The following DENND1A variants were observed in gnomAD, a reference collection of about 807,000 sequenced individuals.
DENND1A encodes the protein DENN domain-containing protein 1A.
In DENND1A, 51 loss-of-function variants were observed where a neutral mutation model predicts 113.7. The observed-to-expected ratio is 0.45, with a 90% CI of 0.36 to 0.57. The LOEUF is 0.57. DENND1A is among the 20% of genes least tolerant of loss of function. The pLI, the probability that DENND1A is intolerant of heterozygous loss-of-function variation, is 0.00. For missense variants in DENND1A, 1,258 were observed against 1,395.9 expected (o/e 0.90, Z 1.57); for synonymous variants, 565 against 570.8 (o/e 0.99, Z 0.14).
At chr9:123,925,571 G>T (rs577480074) in intron 1 of DENND1A, among the ~76,000 whole-genome samples, 45 of 152,224 alleles carry the variant, frequency 3.0e-4, no homozygotes, top group African/African-American at 1.0e-3. Context: ...AAGCCTTAAA[G>T]AAAAATATTT....
At chr9:123,552,871 C>T (rs967328874) in intron 13 of DENND1A, among the ~76,000 whole-genome samples, 4 of 152,232 alleles carry the variant, frequency 2.6e-5, no homozygotes, top group African/African-American at 4.8e-5. Flanking sequence ...TCAAGGAATC[C>T]GCCTAAGAAA....
chr9:123,902,117 C>T (rs1165220671), intron 1 of DENND1A, among the ~76,000 whole-genome samples: 2 of 151,746 alleles, frequency 1.3e-5, no homozygotes, highest in Non-Finnish European at 2.9e-5. Context: ...ATTTGTCTTC[C>T]ACCTTCAGTC....
intron 2 of DENND1A, among the ~76,000 whole-genome samples, chr9:123,812,369 A>C (rs1436892661): frequency 6.6e-6 from 1 of 152,148 alleles, no homozygotes; most frequent in Non-Finnish European, 1.5e-5. Context: ...TATATTAATA[A>C]GTCACAATTT....
At chr9:123,723,494 C>T (rs182944546) in intron 5 of DENND1A, among the ~76,000 whole-genome samples, 17 of 152,292 alleles carry the variant, frequency 1.1e-4, no homozygotes, top group Middle Eastern at 3.4e-3. Context: ...CAAATCTCAT[C>T]TTTAACTGTA....
At chr9:123,832,024 GT>G (rs1459710606) in intron 2 of DENND1A, among the ~76,000 whole-genome samples, 1 of 152,120 alleles carries the variant, frequency 6.6e-6, no homozygotes, top group African/African-American at 2.4e-5. Context: ...TGATGGACAT[GT>G]TGATTCACTT....
chr9:123,415,051 T>C (rs1381858106), intron 19 of DENND1A, among the ~76,000 whole-genome samples: 1 of 152,224 alleles, frequency 6.6e-6, no homozygotes, highest in Middle Eastern at 3.2e-3. Context: ...GCAACTGAAT[T>C]GATAAATGGT....
At chr9:123,805,486 T>C (rs1404460071) in intron 2 of DENND1A, among the ~76,000 whole-genome samples, 4 of 151,634 alleles carry the variant, frequency 2.6e-5, no homozygotes, top group Non-Finnish European at 5.9e-5. Context: ...CAAGATGGAC[T>C]GTAATGGCAT....
intron 11 of DENND1A, among the ~76,000 whole-genome samples, chr9:123,602,027 C>A (rs73580119): frequency 6.6e-6 from 1 of 152,096 alleles, no homozygotes; most frequent in Non-Finnish European, 1.5e-5. Context: ...TGGGAGGGTA[C>A]GCAGATCAGA....
chr9:123,629,362 T>C (rs200260453), intron 10 of DENND1A, among the ~76,000 whole-genome samples: 1 of 152,224 alleles, frequency 6.6e-6, no homozygotes, highest in East Asian at 1.9e-4. Context: ...GGAGACAATG[T>C]CTTTAACTGC....
intron 5 of DENND1A, among the ~76,000 whole-genome samples, chr9:123,752,397 T>C (rs1158322300): frequency 6.6e-6 from 1 of 152,234 alleles, no homozygotes; most frequent in Admixed American, 6.5e-5. Flanking sequence ...AAAAAGTTTT[T>C]TCTTTCCAAA....
chr9:123,431,233 A>T (rs2046110925), intron 19 of DENND1A, among the ~76,000 whole-genome samples: 1 of 152,136 alleles, frequency 6.6e-6, no homozygotes, highest in African/African-American at 2.4e-5. Flanking sequence ...GCTCCCACAC[A>T]TGCTCAGTTT....
chr9:123,395,236 C>T, intron 21 of DENND1A, among the ~76,000 whole-genome samples: 1 of 152,132 alleles, frequency 6.6e-6, no homozygotes, highest in East Asian at 1.9e-4. Flanking sequence ...CCAGTTAACT[C>T]CCTGTGGTGA....
intron 1 of DENND1A, among the ~76,000 whole-genome samples, chr9:123,923,023 C>A (rs1306176705): frequency 6.6e-6 from 1 of 152,166 alleles, no homozygotes; most frequent in Admixed American, 6.5e-5. Context: ...CATGTCCCTA[C>A]AAAGCCCCTT....
At position 123,690,327 on chromosome 9, in the gene DENND1A, T is replaced by C. The variant is rs1047282682; in HGVS notation, c.303-13538A>G. 3.9e-5 allele frequency among the ~76,000 whole-genome samples: 6 copies of C among 152,340 alleles called. No homozygotes were observed. The East Asian group carries it at 5.8e-4, about 15-fold the overall frequency. On this transcript the variant is annotated intron_variant, in intron 5 of 23. Coordinates refer to ENST00000394215, the MANE Select transcript of DENND1A (RefSeq NM_001352964.2). ...TCTTTTCTGTGTCTTCTACAGCTTA[T>C]GTATTGAGCATGCAGTGCCTTAAAA... is the stretch of plus-strand genomic sequence containing the variant.
chr9:123,903,728 C>T (rs1414507826), intron 1 of DENND1A, among the ~76,000 whole-genome samples: 2 of 152,236 alleles, frequency 1.3e-5, no homozygotes, highest in African/African-American at 4.8e-5. Context: ...CCTACACCCA[C>T]GGTGTCTCGC....
At chr9:123,877,804 A>G (rs1347892219) in intron 2 of DENND1A, among the ~76,000 whole-genome samples, 2 of 152,192 alleles carry the variant, frequency 1.3e-5, no homozygotes, top group East Asian at 3.9e-4. Context: ...CCTGGGTGAC[A>G]AGAGAGCAAT....
intron 2 of DENND1A, among the ~76,000 whole-genome samples, chr9:123,845,668 TC>T (rs1370732421): frequency 1.8e-5 from 1 of 55,684 alleles, no homozygotes. Context: ...AGAACCTGTC[TC>T]CAAAAAAAAA....
chr9:123,623,664 T>C (rs2061059890), intron 10 of DENND1A, among the ~76,000 whole-genome samples: 1 of 152,244 alleles, frequency 6.6e-6, no homozygotes, highest in Non-Finnish European at 1.5e-5. Context: ...TTAACTCAGA[T>C]GATTGTATGT....
intron 3 of DENND1A, among the ~76,000 whole-genome samples, chr9:123,782,330 T>C (rs2799465): frequency 0.28 from 42,486 of 152,090 alleles, 9,098 homozygotes; most frequent in African/African-American, 0.6. Context: ...GCATCATGTC[T>C]GATATACACT....
Sources: gnomAD v4.1 joint callset for allele counts (sites outside exome capture counted in the v4.1 genomes callset) on GRCh38, gnomAD v4.1.1 for gene constraint, MANE v1.5 for transcripts, NCBI Gene and HGNC (gene_info 2026-07-23, HGNC 2026-07-21) for gene names.